The following MPRIP variants were observed in gnomAD, a reference collection of about 807,000 sequenced individuals.
MPRIP encodes the protein myosin phosphatase Rho interacting protein, also known as myosin phosphatase Rho-interacting protein.
MPRIP carries 59 observed loss-of-function variants against 234.9 expected under a neutral mutation model. The ratio of observed to expected loss-of-function variants is 0.25; its 90% CI spans 0.20 to 0.31. The LOEUF is 0.31. MPRIP is among the 10% of genes least tolerant of loss of function. The pLI is 1.00. For synonymous variants in MPRIP, 1,144 were observed against 1,263.9 expected (o/e 0.91, Z 2.01); for missense variants, 2,436 against 3,071.0 (o/e 0.79, Z 4.89).
chr17:17,121,411 T>C (rs551870141), intron 3 of MPRIP, among the ~76,000 whole-genome samples: 2 of 152,348 alleles, frequency 1.3e-5, no homozygotes, highest in Admixed American at 1.3e-4. Context: ...GCACCTAGCT[T>C]CTTAGCAGTC....
In MPRIP at chr17:17,185,660, A is replaced by G. The variant is rs2046462124; in HGVS notation, c.*766A>G. The stretch of plus-strand genomic sequence containing the variant: ...TTTTCATAACTGCTCGAGATTGTTG[A>G]CCTGCAGCCCAGGTTTCAGACTCTG... On this transcript the variant is annotated 3_prime_UTR_variant, in exon 24 of 24. Transcript: ENST00000651222. 2.4e-6 allele frequency: 1 copy of G among 408,936 alleles called. No homozygotes were observed. The highest frequency in any genetic ancestry group is 4.9e-6 in the Non-Finnish European group (1 of 202,604). 25.3% of individuals were successfully genotyped at this position (408,936 alleles called of 1,614,324 possible).
intron 1 of MPRIP, among the ~76,000 whole-genome samples, chr17:17,073,675 T>C (rs2089256688): frequency 6.6e-6 from 1 of 152,098 alleles, no homozygotes; most frequent in Non-Finnish European, 1.5e-5. Context: ...GGCTTTCCCA[T>C]GCAAGGCCTC....
intron 11 of MPRIP, among the ~76,000 whole-genome samples, chr17:17,147,917 A>G (rs1391763812): frequency 1.3e-5 from 2 of 152,146 alleles, no homozygotes; most frequent in Non-Finnish European, 2.9e-5. Context: ...TTCTTCACCT[A>G]CAAATAAAAT....
rs745995280 is a variant in MPRIP at position 17,175,557 on chromosome 17, C to T, written c.6870+145C>T. ...ACAGGGTCCAGGAAGATCCAAATCA[C>T]CCGAAGGCGGCGAGGAGCAGTGAGC... On this transcript the variant is annotated intron_variant, in intron 20 of 23. Coordinates refer to ENST00000651222, the MANE Select transcript of MPRIP (RefSeq NM_001364716.4). 2.6e-4 allele frequency: 310 copies of T among 1,172,906 alleles called. 1 individual carries two copies. The highest frequency in any genetic ancestry group is 3.2e-4 in the Non-Finnish European group (278 of 868,854). 72.7% of individuals were successfully genotyped at this position (1,172,906 alleles called of 1,614,324 possible).
At chr17:17,121,759 A>G (rs151233897) in intron 3 of MPRIP, among the ~76,000 whole-genome samples, 104 of 152,314 alleles carry the variant, frequency 6.8e-4, no homozygotes, top group African/African-American at 2.4e-3. Flanking sequence ...TTCATCACCC[A>G]GATATTAAGC....
chr17:17,128,935 G>A (rs1020330849), intron 4 of MPRIP, among the ~76,000 whole-genome samples: 1 of 152,066 alleles, frequency 6.6e-6, no homozygotes, highest in Non-Finnish European at 1.5e-5. Flanking sequence ...GCTCTGGAGC[G>A]CCATTCTGGG....
intron 15 of MPRIP, among the ~76,000 whole-genome samples, chr17:17,162,506 T>C (rs923547191): frequency 6.6e-6 from 1 of 152,194 alleles, no homozygotes; most frequent in African/African-American, 2.4e-5. Flanking sequence ...CCACATGCCC[T>C]AGACTCTCCT....
chr17:17,069,682 C>T (rs934813849), intron 1 of MPRIP, among the ~76,000 whole-genome samples: 1 of 151,790 alleles, frequency 6.6e-6, no homozygotes, highest in African/African-American at 2.4e-5. Flanking sequence ...AAGAGAGTAC[C>T]TGTCTGTTCA....
intron 3 of MPRIP, among the ~76,000 whole-genome samples, chr17:17,080,635 A>G (rs1365867294): frequency 6.6e-6 from 1 of 152,226 alleles, no homozygotes; most frequent in Non-Finnish European, 1.5e-5. Context: ...CAGGGATGCT[A>G]CTGAATCTCC....
At chr17:17,048,639 C>G (rs543422476) in intron 1 of MPRIP, among the ~76,000 whole-genome samples, 15 of 152,244 alleles carry the variant, frequency 9.9e-5, no homozygotes, top group Admixed American at 9.2e-4. Context: ...TGAGATATCA[C>G]TTCATACCTG....
At chr17:17,109,343 G>A (rs2090124205) in intron 3 of MPRIP, among the ~76,000 whole-genome samples, 1 of 152,214 alleles carries the variant, frequency 6.6e-6, no homozygotes, top group African/African-American at 2.4e-5. Flanking sequence ...TAGGCTCTGT[G>A]TGCAAGGGAA....
At chr17:17,117,364 T>G (rs1275794035) in intron 3 of MPRIP, among the ~76,000 whole-genome samples, 1 of 152,194 alleles carries the variant, frequency 6.6e-6, no homozygotes, top group East Asian at 1.9e-4. Context: ...TTAGGCCACT[T>G]CTCATTCCCC....
rs141311438 is a variant in MPRIP, at chr17:17,191,684, TGGCAGCCTCACGGTCAC to T, written c.*6792_*6808del. 0.039 allele frequency: 5,999 copies of T among 152,288 alleles called. 159 individuals are homozygous for T. Among genetic ancestry groups the T allele is most frequent in the Middle Eastern group, 0.065 (19 of 294 alleles). The allele number at this position is 152,288 out of a possible 1,614,324, so 9.4% of individuals were successfully genotyped here. On this transcript the variant is annotated 3_prime_UTR_variant, in exon 24 of 24. Transcript: ENST00000651222. ...GGAGGCGCAGCCACACACACAGCGCTGGCAGCCTCACGGTCACGCCCATCACTCCCTGCCCCCCACTG... is the reference window on the plus strand; with the variant it reads ...GGAGGCGCAGCCACACACACAGCGCTGCCCATCACTCCCTGCCCCCCACTG...
chr17:17,111,781 C>G (rs1336258949), intron 3 of MPRIP, among the ~76,000 whole-genome samples: 4 of 152,108 alleles, frequency 2.6e-5, no homozygotes, highest in Admixed American at 2.6e-4. Flanking sequence ...GATGTCTGGT[C>G]AGACCTGTGC....
intron 3 of MPRIP, among the ~76,000 whole-genome samples, chr17:17,117,477 C>T (rs1161385444): frequency 6.6e-6 from 1 of 152,244 alleles, no homozygotes; most frequent in Non-Finnish European, 1.5e-5. Flanking sequence ...CCTTTTGTGA[C>T]TGGCTTCATT....
At chr17:17,123,276 G>A (rs998700579) in intron 3 of MPRIP, among the ~76,000 whole-genome samples, 1 of 152,208 alleles carries the variant, frequency 6.6e-6, no homozygotes, top group African/African-American at 2.4e-5. Context: ...CTTGATTGCA[G>A]AACAGCTCTG....
chr17:17,163,859 C>G (rs973198088), intron 15 of MPRIP, among the ~76,000 whole-genome samples: 25 of 147,688 alleles, frequency 1.7e-4, no homozygotes, highest in African/African-American at 6.3e-4. Context: ...CTCCTAGAAG[C>G]TGTTTGGTTA....
At chr17:17,099,138 A>G (rs920007853) in intron 3 of MPRIP, among the ~76,000 whole-genome samples, 9 of 152,194 alleles carry the variant, frequency 5.9e-5, no homozygotes, top group African/African-American at 2.2e-4. Context: ...TCAAAGGCAC[A>G]TACATTGCAA....
In MPRIP at chr17:17,138,985, A is replaced by G. The variant is rs766621145; in HGVS notation, c.1250+556A>G. Among the ~76,000 whole-genome samples, 2 of 152,240 alleles carry G rather than the reference A, an allele frequency of 1.3e-5. No individual in the cohort carries two copies. The highest frequency in any genetic ancestry group is 4.1e-4 in the South Asian group (2 of 4,838). On this transcript the variant is annotated intron_variant, in intron 7 of 23. Coordinates refer to ENST00000651222, the MANE Select transcript of MPRIP (RefSeq NM_001364716.4). This position sits in a 1 kb window ranked among gnomAD's most constrained non-coding sequence, Gnocchi z 5.8. ...CCTGAGGCAACCTGTGAAGCAGCTG[A>G]GCACCAAATAGCATTGCTTTTGCCC...
Sources: allele counts gnomAD v4.1 joint callset (sites outside exome capture counted in the v4.1 genomes callset), GRCh38; gene constraint gnomAD v4.1.1; non-coding constraint Gnocchi (gnomAD v3.1); transcripts MANE v1.5; gene names NCBI Gene and HGNC (gene_info 2026-07-23, HGNC 2026-07-21).